Variants in METTL15 observed in about 807,000 individuals in gnomAD.
METTL15 encodes 12S rRNA N(4)-cytidine methyltransferase METTL15.
Under a neutral mutation model 38.3 loss-of-function variants are expected in METTL15, and 34 were observed. That is an observed-to-expected ratio of 0.89 (90% CI 0.68 to 1.18). METTL15 has a LOEUF of 1.18. Among genes scored for constraint, METTL15 ranks in the 50% most tolerant of loss-of-function variants. METTL15 has a pLI of 0.00. For missense variants in METTL15, 438 were observed against 498.4 expected (o/e 0.88, Z 1.15); for synonymous variants, 162 against 170.9 (o/e 0.95, Z 0.41).
In METTL15 at chr11:28,360,913, G is replaced by T. The variant is rs924325436; in HGVS notation, c.*259-1024G>T. On this transcript the variant is annotated intron_variant and NMD_transcript_variant, in intron 4 of 7. Transcript: ENST00000532947. Reference sequence around the variant, plus strand: ...TATGAGTGAGAACATGCGGTGTTTGGTTTTTTGTCCTTGCGATAGTTTACT... The same window carrying T: ...TATGAGTGAGAACATGCGGTGTTTGTTTTTTTGTCCTTGCGATAGTTTACT... Among the ~76,000 whole-genome samples the T allele has an allele frequency of 3.4e-5, 5 of 149,048 alleles. No individual in the cohort carries two copies. In the East Asian group the frequency reaches 6.0e-4, roughly 18 times the overall value.
chr11:28,417,081 A>G (rs1273256627), intron 5 of METTL15, among the ~76,000 whole-genome samples: 1 of 152,200 alleles, frequency 6.6e-6, no homozygotes, highest in African/African-American at 2.4e-5. Context: ...TCTGTTGTAA[A>G]TGATTCTGAG....
intron 3 of METTL15, among the ~76,000 whole-genome samples, chr11:28,176,926 TG>T (rs1565144629): frequency 6.6e-6 from 1 of 152,098 alleles, no homozygotes; most frequent in Non-Finnish European, 1.5e-5. Flanking sequence ...AGCTGGATAA[TG>T]GACATCAAAA....
chr11:28,159,979 T>G (rs1034628454), intron 3 of METTL15, among the ~76,000 whole-genome samples: 2 of 152,084 alleles, frequency 1.3e-5, no homozygotes, highest in Non-Finnish European at 2.9e-5. Context: ...CAAAGGAGAT[T>G]AGCATTTGAG....
intron 6 of METTL15, among the ~76,000 whole-genome samples, chr11:28,317,967 TATC>T (rs1857539071): frequency 6.6e-6 from 1 of 152,120 alleles, no homozygotes. Context: ...TTTGGGGTGA[TATC>T]ATTAGAAGTG....
At chr11:28,212,651 G>T (rs78280005) in intron 4 of METTL15, among the ~76,000 whole-genome samples, 2,070 of 152,196 alleles carry the variant, frequency 0.014, 34 homozygotes, top group Non-Finnish European at 0.018. Context: ...AGTAAATGCT[G>T]TTTAAACAGT....
chr11:28,529,946 C>T (rs1269822016), downstream of METTL15, among the ~76,000 whole-genome samples: 1 of 152,012 alleles, frequency 6.6e-6, no homozygotes, highest in Admixed American at 6.6e-5. Flanking sequence ...AAAATAGCTC[C>T]ATAAAATATG....
chr11:28,158,167 A>T (rs1013264328), intron 3 of METTL15, among the ~76,000 whole-genome samples: 3 of 152,194 alleles, frequency 2.0e-5, no homozygotes, highest in Non-Finnish European at 2.9e-5. Context: ...AGGTATGTGG[A>T]TGGACCTCTT....
At chr11:28,287,824 G>C (rs1041923952) in intron 4 of METTL15, among the ~76,000 whole-genome samples, 2 of 152,032 alleles carry the variant, frequency 1.3e-5, no homozygotes, top group Non-Finnish European at 2.9e-5. Context: ...TTCAATTCCT[G>C]CCAGCTCAAG....
At chr11:28,141,592 G>A (rs1849700195) in intron 3 of METTL15, among the ~76,000 whole-genome samples, 1 of 152,286 alleles carries the variant, frequency 6.6e-6, no homozygotes, top group Non-Finnish European at 1.5e-5. Context: ...GGGAGGCTGA[G>A]TTGGGAGGAT....
intron 4 of METTL15, among the ~76,000 whole-genome samples, chr11:28,283,893 AAATT>A (rs2031841789): frequency 6.6e-6 from 1 of 152,182 alleles, no homozygotes; most frequent in Non-Finnish European, 1.5e-5. Context: ...AAAATACTGA[AAATT>A]AAAGTGAAAG....
At chr11:28,529,170 G>A (rs183696483), downstream of METTL15, among the ~76,000 whole-genome samples, 3 of 152,228 alleles carry the variant, frequency 2.0e-5, no homozygotes, top group Admixed American at 6.5e-5. Context: ...TGAGGTATAC[G>A]ACATGTCTCA....
intron 4 of METTL15, among the ~76,000 whole-genome samples, chr11:28,224,124 TTACCACTTTAGGTAA>T (rs1853370625): frequency 6.6e-6 from 1 of 152,032 alleles, no homozygotes; most frequent in South Asian, 2.1e-4. Flanking sequence ...ACCCATAATT[TTACCACTTTAGGTAA>T]TCGGGGTTAG....
intron 3 of METTL15, among the ~76,000 whole-genome samples, chr11:28,137,100 C>G (rs1162435672): frequency 3.3e-5 from 5 of 152,042 alleles, no homozygotes; most frequent in African/African-American, 1.2e-4. Context: ...TTTGGTAAAC[C>G]TTTTATCACA....
intron 6 of METTL15, among the ~76,000 whole-genome samples, chr11:28,425,659 C>T (rs1850857589): frequency 6.6e-6 from 1 of 152,180 alleles, no homozygotes; most frequent in Admixed American, 6.5e-5. Context: ...CCGCTAGCCT[C>T]CTATCAGAGC....
chr11:28,317,030 A>G (rs1322836691), intron 6 of METTL15, among the ~76,000 whole-genome samples: 2 of 152,116 alleles, frequency 1.3e-5, no homozygotes, highest in African/African-American at 4.8e-5. Flanking sequence ...GTTATGAAAA[A>G]TTTCAGTTCT....
intron 3 of METTL15, among the ~76,000 whole-genome samples, chr11:28,164,560 TATA>T (rs1048503207): frequency 1.3e-5 from 2 of 152,076 alleles, no homozygotes; most frequent in African/African-American, 4.8e-5. Flanking sequence ...ATTGACCAAT[TATA>T]ATAATATATA....
chr11:28,391,020 C>T (rs1163976261), intron 5 of METTL15, among the ~76,000 whole-genome samples: 16 of 151,282 alleles, frequency 1.1e-4, no homozygotes, highest in Admixed American at 1.1e-3. Context: ...TCATGATTTG[C>T]CTCGCTGTTT....
At chr11:28,125,842 A>T (rs1415088108) in intron 3 of METTL15, 1 of 152,126 alleles carries the variant, frequency 6.6e-6, no homozygotes, top group East Asian at 1.9e-4. Context: ...ATGCATCTTA[A>T]TTAAACTGTT....
chr11:28,379,279 C>A (rs921940497), intron 5 of METTL15, among the ~76,000 whole-genome samples: 8 of 151,762 alleles, frequency 5.3e-5, no homozygotes, highest in Admixed American at 2.0e-4. Flanking sequence ...TTTTTATATT[C>A]TAGTTCCTTA....
Sources: gnomAD v4.1 joint callset for allele counts (sites outside exome capture counted in the v4.1 genomes callset) on GRCh38, gnomAD v4.1.1 for gene constraint, MANE v1.5 for transcripts, NCBI Gene and HGNC (gene_info 2026-07-23, HGNC 2026-07-21) for gene names.